SRD5A2: variants seen among roughly 807,000 people sequenced by gnomAD.
SRD5A2 encodes the protein 3-oxo-5-alpha-steroid 4-dehydrogenase 2.
Under a neutral mutation model 27.4 loss-of-function variants are expected in SRD5A2, and 30 were observed. The observed-to-expected ratio is 1.10, with a 90% CI of 0.82 to 1.49. SRD5A2 has a LOEUF of 1.49. Ranked by LOEUF, SRD5A2 falls within the 40% of genes most tolerant of loss-of-function variation. SRD5A2 has a pLI of 0.00. For missense variants in SRD5A2, 348 were observed against 323.4 expected, an observed-to-expected ratio of 1.08 and a Z score of -0.58; for synonymous variants, 141 against 133.6, an observed-to-expected ratio of 1.06 and a Z score of -0.38.
At chr2:31,620,929 T>C in the SRD5A2 span, among the ~76,000 whole-genome samples, 1 of 147,016 alleles carries the variant, frequency 6.8e-6, no homozygotes, top group African/African-American at 2.5e-5. Context: ...ATTATATATA[T>C]ATAAAATTAT....
upstream of SRD5A2, among the ~76,000 whole-genome samples, chr2:31,582,186 A>T (rs1667095268): frequency 1.3e-5 from 2 of 151,598 alleles, no homozygotes; most frequent in Non-Finnish European, 2.9e-5. Flanking sequence ...CTCTTCCCTT[A>T]CTTTGGAGGT....
the SRD5A2 span, among the ~76,000 whole-genome samples, chr2:31,632,320 T>G: frequency 6.6e-6 from 1 of 152,268 alleles, no homozygotes; most frequent in African/African-American, 2.4e-5. Flanking sequence ...GCAAATTGAA[T>G]GCCTAATAGG....
At chr2:31,594,679 G>C in the SRD5A2 span, among the ~76,000 whole-genome samples, 2 of 152,008 alleles carry the variant, frequency 1.3e-5, no homozygotes, top group East Asian at 1.9e-4. Flanking sequence ...AAAAACAGTG[G>C]ACTTAAACTA....
the SRD5A2 span, among the ~76,000 whole-genome samples, chr2:31,587,361 C>T: frequency 1.3e-5 from 2 of 152,130 alleles, no homozygotes; most frequent in African/African-American, 4.8e-5. Context: ...CCTTAAGGAT[C>T]TAGAACCAGA....
chr2:31,653,255 G>C, the SRD5A2 span, among the ~76,000 whole-genome samples: 1 of 152,130 alleles, frequency 6.6e-6, no homozygotes, highest in Non-Finnish European at 1.5e-5. Flanking sequence ...AGAAGTCTGA[G>C]TCCCACCATC....
chr2:31,631,262 A>G, the SRD5A2 span, among the ~76,000 whole-genome samples: 1 of 152,206 alleles, frequency 6.6e-6, no homozygotes. Context: ...ACTAGAATCC[A>G]GCAGCCCAGA....
chr2:31,556,509 T>A (rs1666497869), intron 1 of SRD5A2, among the ~76,000 whole-genome samples: 2 of 152,078 alleles, frequency 1.3e-5, no homozygotes, highest in Admixed American at 6.6e-5. Context: ...GGGCCCTAGA[T>A]GCAAACACAT....
At chr2:31,528,669 G>A (rs746424026) in intron 4 of SRD5A2, among the ~76,000 whole-genome samples, 13 of 152,152 alleles carry the variant, frequency 8.5e-5, no homozygotes, top group Non-Finnish European at 1.6e-4. Context: ...GGAAGGCTGA[G>A]GTGGGAGAAT....
At chr2:31,538,814 A>T (rs1407117234) in intron 1 of SRD5A2, among the ~76,000 whole-genome samples, 3 of 152,212 alleles carry the variant, frequency 2.0e-5, no homozygotes. Context: ...TTTTACTAAC[A>T]TATTCTACTT....
At chr2:31,569,371 A>G (rs1666803389) in intron 1 of SRD5A2, among the ~76,000 whole-genome samples, 1 of 152,242 alleles carries the variant, frequency 6.6e-6, no homozygotes, top group African/African-American at 2.4e-5. Flanking sequence ...CATCAAAGGT[A>G]TGAGAGTTCC....
At chr2:31,572,115 G>A (rs1233942001) in intron 1 of SRD5A2, among the ~76,000 whole-genome samples, 1 of 152,198 alleles carries the variant, frequency 6.6e-6, no homozygotes, top group East Asian at 1.9e-4. Flanking sequence ...TAAAGAAAAT[G>A]TGGCATATAT....
upstream of SRD5A2, among the ~76,000 whole-genome samples, chr2:31,581,882 T>C (rs1396413249): frequency 6.6e-6 from 1 of 152,188 alleles, no homozygotes; most frequent in African/African-American, 2.4e-5. Flanking sequence ...CGGTTCTTTC[T>C]CTCTTCCGTT....
chr2:31,565,379 G>C (rs1039288817), intron 1 of SRD5A2, among the ~76,000 whole-genome samples: 1 of 151,792 alleles, frequency 6.6e-6, no homozygotes, highest in African/African-American at 2.4e-5. Flanking sequence ...TAATATCCCA[G>C]TTAAAAATCA....
intron 2 of SRD5A2, 132 bp from the exon 3 acceptor site, chr2:31,531,604 C>T (rs1665910132): frequency 6.3e-6 from 4 of 635,994 alleles, no homozygotes; most frequent in Admixed American, 2.6e-5. Flanking sequence ...TAAGACGTGG[C>T]AGAAAGTGGG....
intron 1 of SRD5A2, among the ~76,000 whole-genome samples, chr2:31,544,324 A>G (rs2148074185): frequency 6.6e-6 from 1 of 152,074 alleles, no homozygotes; most frequent in South Asian, 2.1e-4. Flanking sequence ...AACACAATAA[A>G]CCAACTAGAT....
chr2:31,536,579 G>A (rs930371297), intron 1 of SRD5A2, among the ~76,000 whole-genome samples: 2 of 152,212 alleles, frequency 1.3e-5, no homozygotes, highest in Non-Finnish European at 2.9e-5. Context: ...AAAAGAAGGA[G>A]GTTTGGTGAA....
chr2:31,581,571 G>T (rs1667084703), upstream of SRD5A2, among the ~76,000 whole-genome samples: 2 of 152,108 alleles, frequency 1.3e-5, no homozygotes, highest in Admixed American at 1.3e-4. Flanking sequence ...TAATTCCTCA[G>T]CGGTTTCTCT....
chr2:31,529,239 C>T (rs964169786), intron 4 of SRD5A2, 68 bp downstream of exon 4: 15 of 1,581,382 alleles, frequency 9.5e-6, no homozygotes, highest in South Asian at 4.6e-5. Flanking sequence ...TCTTCCTCTG[C>T]GGGTTAAAAG....
chr2:31,603,135 G>C, the SRD5A2 span, among the ~76,000 whole-genome samples: 2 of 152,002 alleles, frequency 1.3e-5, no homozygotes, highest in African/African-American at 4.8e-5. Context: ...AGACAACCTA[G>C]AGAATGGGAG....
Sources: allele counts gnomAD v4.1 joint callset (sites outside exome capture counted in the v4.1 genomes callset), GRCh38; gene constraint gnomAD v4.1.1; transcripts MANE v1.5; gene names NCBI Gene and HGNC (gene_info 2026-07-23, HGNC 2026-07-21).